PSME4: variants seen among roughly 807,000 people sequenced by gnomAD.
PSME4 encodes proteasome activator complex subunit 4.
In PSME4, 89 loss-of-function variants were observed where a neutral mutation model predicts 253.9. The ratio of observed to expected loss-of-function variants is 0.35; its 90% CI spans 0.30 to 0.42. The LOEUF (loss-of-function observed/expected upper bound fraction) is 0.42, where lower values mean the gene tolerates loss of function less well. PSME4 is among the 10% of genes least tolerant of loss of function. PSME4 has a pLI of 1.00. For missense variants in PSME4, 2,014 were observed against 2,195.2 expected (o/e 0.92, Z 1.65); for synonymous variants, 851 against 759.2 (o/e 1.12, Z -1.99).
At chr2:53,902,511 T>C (rs1315859696) in intron 27 of PSME4, among the ~76,000 whole-genome samples, 4 of 152,222 alleles carry the variant, frequency 2.6e-5, no homozygotes, top group African/African-American at 9.6e-5. Context: ...AGGTTCTCTA[T>C]AAGGTCACTC....
At chr2:53,878,801 A>G (rs1256260069) in intron 41 of PSME4, among the ~76,000 whole-genome samples, 7 of 152,196 alleles carry the variant, frequency 4.6e-5, no homozygotes, top group African/African-American at 9.7e-5. Flanking sequence ...ATCAATGACA[A>G]TGTGTGCCCG....
At position 53,970,768 on chromosome 2, in the gene PSME4, C is replaced by A; in HGVS notation, c.17G>T (p.Arg6Leu). The A allele has an allele frequency of 6.5e-7, 1 of 1,542,826 alleles. No individual in the cohort carries two copies. Among genetic ancestry groups the A allele is most frequent in the Non-Finnish European group, 8.7e-7 (1 of 1,144,478 alleles). Residue 6 changes from arginine (R) to leucine (L), a missense_variant, in exon 1 of 47, where the codon CGG becomes CTG. This residue lies in a region of PSME4 where 615 missense variants were observed against 594.4 expected (regional missense o/e 1.03). Coordinates refer to ENST00000404125, the MANE Select transcript of PSME4 (RefSeq NM_014614.3). ...CTCCGGGGGCTCTCCGACTCCCGCC[C>A]GCTCGGCCGGCTCCATGAGCCCAGG... MEPAE[R>L]AGVGEPPEPG...
intron 9 of PSME4, 109 bp from the exon 10 acceptor site, chr2:53,932,209 T>C: frequency 1.0e-6 from 1 of 1,003,730 alleles, no homozygotes; most frequent in Non-Finnish European, 1.5e-6. Context: ...ACAGTTCTTA[T>C]TATCTTATTA....
In PSME4 at chr2:53,932,675, C is replaced by T. The variant is rs769025434; in HGVS notation, c.1043G>A (p.Arg348His). 2 of 1,610,886 alleles carry T rather than the reference C, an allele frequency of 1.2e-6. No homozygotes were observed. Among genetic ancestry groups the T allele is most frequent in the African/African-American group, 1.3e-5 (1 of 74,832 alleles). The change falls in exon 9 of 47, where the codon CGC becomes CAC. Residue 348 changes from arginine to histidine, a missense_variant. Physicochemically the swap from Arg to His is conservative, Grantham distance 29. Around this residue, in one of 4 missense-constraint regions of PSME4, gnomAD observed 615 missense variants for 594.4 expected, o/e 1.03. Transcript: ENST00000404125. ...CAAAACGAAGTTACTCACCAGCCAG[C>T]GCCCATTATTTGAAGGATGGTAAAA... Reference protein sequence around the residue: ...TSFYHPSNNGRWLNKLMKLLQ... With the variant: ...TSFYHPSNNGHWLNKLMKLLQ...
intron 46 of PSME4, 162 bp downstream of exon 46, chr2:53,865,923 T>A (rs1678543123): frequency 1.3e-6 from 1 of 758,776 alleles, no homozygotes; most frequent in African/African-American, 1.8e-5. Flanking sequence ...AATTCTCATT[T>A]CCAATGGCCG....
intron 1 of PSME4, among the ~76,000 whole-genome samples, chr2:53,968,638 T>A (rs1009162428): frequency 6.6e-6 from 1 of 152,218 alleles, no homozygotes; most frequent in African/African-American, 2.4e-5. Context: ...TTCCAGCATC[T>A]AACCACTATT....
At chr2:53,883,564 C>G in intron 41 of PSME4, among the ~76,000 whole-genome samples, 1 of 152,100 alleles carries the variant, frequency 6.6e-6, no homozygotes, top group Non-Finnish European at 1.5e-5. Flanking sequence ...TGTTGACCAT[C>G]CACAATAAAG....
intron 4 of PSME4, among the ~76,000 whole-genome samples, chr2:53,939,535 G>T (rs959405841): frequency 6.6e-6 from 1 of 152,026 alleles, no homozygotes; most frequent in African/African-American, 2.4e-5. Context: ...AGACCAGCCC[G>T]GGCAATACAG....
chr2:53,936,266 A>G, intron 6 of PSME4, 105 bp from the exon 7 acceptor site: 1 of 1,460,672 alleles, frequency 6.8e-7, no homozygotes, highest in Non-Finnish European at 9.1e-7. Flanking sequence ...CATTAGTGCA[A>G]TCTACTTAAA....
At chr2:53,876,010 G>A (rs1191508637) in intron 41 of PSME4, among the ~76,000 whole-genome samples, 1 of 152,016 alleles carries the variant, frequency 6.6e-6, no homozygotes, top group Non-Finnish European at 1.5e-5. Context: ...GCAAATCCCT[G>A]ACTGTTTCAT....
chr2:53,905,644 G>C (rs574751071), intron 26 of PSME4, among the ~76,000 whole-genome samples: 2 of 152,220 alleles, frequency 1.3e-5, no homozygotes, highest in East Asian at 3.9e-4. Flanking sequence ...AGGCTACAAG[G>C]CTTGAGTTCA....
intron 1 of PSME4, among the ~76,000 whole-genome samples, chr2:53,965,797 G>A (rs1240950814): frequency 6.6e-6 from 1 of 151,782 alleles, no homozygotes; most frequent in African/African-American, 2.4e-5. Flanking sequence ...AGCCCCCCGA[G>A]TAGCTGGGAC....
chr2:53,931,775 C>T (rs930371470), intron 10 of PSME4, 60 bp downstream of exon 10: 7 of 1,521,762 alleles, frequency 4.6e-6, no homozygotes, highest in Non-Finnish European at 6.2e-6. Flanking sequence ...AAAAGAGAAT[C>T]GAGCTGAACA....
At chr2:53,888,123 A>C (rs1015410271) in intron 38 of PSME4, 134 bp from the exon 39 acceptor site, 1 of 787,342 alleles carries the variant, frequency 1.3e-6, no homozygotes, top group Non-Finnish European at 1.8e-6. Context: ...CAATATCCAC[A>C]ACTCAAAATA....
intron 3 of PSME4, among the ~76,000 whole-genome samples, chr2:53,940,358 T>G (rs1396720394): frequency 6.6e-6 from 1 of 152,086 alleles, no homozygotes. Context: ...AAAATACTTT[T>G]ACATCAAAAC....
At chr2:53,866,620 C>T (rs1678577195) in intron 45 of PSME4, 127 bp downstream of exon 45, 2 of 1,048,846 alleles carry the variant, frequency 1.9e-6, no homozygotes, top group Non-Finnish European at 1.3e-6. Context: ...GGTGAGCAGA[C>T]TAAGCCTTGG....
At position 53,896,817 on chromosome 2, in the gene PSME4, G is replaced by T. The variant is rs761386977; in HGVS notation, c.3675C>A (p.Asn1225Lys). The T allele has an allele frequency of 3.9e-5, 63 of 1,606,432 alleles. No individual in the cohort carries two copies. The highest frequency in any genetic ancestry group is 5.4e-5 in the Non-Finnish European group (63 of 1,173,204). Residue 1225 changes from asparagine (N) to lysine (K), a missense_variant, in exon 32 of 47, where the codon AAC (asparagine) becomes AAA (lysine). Asn to Lys is a moderately conservative substitution (Grantham distance 94). Transcript: ENST00000404125. ...LKRTHKKLTINPCEISGCPKP... is the reference protein window; with the variant it reads ...LKRTHKKLTIKPCEISGCPKP... ...GGTAGTACTCACTGATTTCACAGGG[G>T]TTAATGGTCAGCTTTTTGTGGGTTC...
intron 15 of PSME4, 81 bp from the exon 16 acceptor site, chr2:53,923,199 T>G (rs1490911523): frequency 2.0e-6 from 3 of 1,480,414 alleles, no homozygotes; most frequent in Non-Finnish European, 2.8e-6. Flanking sequence ...AGTAAAAGGC[T>G]GTAAATAAGC....
At chr2:53,946,020 G>A (rs1313557485) in intron 3 of PSME4, among the ~76,000 whole-genome samples, 1 of 152,172 alleles carries the variant, frequency 6.6e-6, no homozygotes, top group Non-Finnish European at 1.5e-5. Context: ...AAACTTTTAA[G>A]GACAAGGATG....
Sources: allele counts gnomAD v4.1 joint callset (sites outside exome capture counted in the v4.1 genomes callset), GRCh38; gene constraint gnomAD v4.1.1; regional missense constraint gnomAD v4.1.1; transcripts MANE v1.5; gene names NCBI Gene and HGNC (gene_info 2026-07-23, HGNC 2026-07-21).